OR52K1: variants seen among roughly 807,000 people sequenced by gnomAD.
OR52K1 encodes olfactory receptor family 52 subfamily K member 1.
Under a neutral mutation model 8.7 loss-of-function variants are expected in OR52K1, and 10 were observed. The ratio of observed to expected loss-of-function variants is 1.15; its 90% CI spans 0.71 to 1.95. OR52K1 has a LOEUF of 1.95. Ranked by LOEUF, OR52K1 falls within the 30% of genes most tolerant of loss-of-function variation. The probability of loss-of-function intolerance (pLI) is 0.00; values close to 1 mark genes in which losing one functional copy is unlikely to be tolerated. For missense variants in OR52K1, 431 were observed against 397.2 expected, an observed-to-expected ratio of 1.08 and a Z score of -0.72; for synonymous variants, 203 against 148.5, an observed-to-expected ratio of 1.37 and a Z score of -2.67.
At chr11:4,484,151 T>A (rs1293871694) in intron 1 of OR52K1, among the ~76,000 whole-genome samples, 1 of 152,184 alleles carries the variant, frequency 6.6e-6, no homozygotes, top group African/African-American at 2.4e-5. Context: ...TGTTAGAGGC[T>A]GGGTTTACAG....
rs758111828 is a variant in OR52K1 at position 4,492,803 on chromosome 11, T to G, written c.*2958T>G. Reference sequence around the variant, plus strand: ...CCTTGTGTGCAGAGATGAGAGATCATAGAAATAAAGACAAAAGATAAAGAG... The same window carrying G: ...CCTTGTGTGCAGAGATGAGAGATCAGAGAAATAAAGACAAAAGATAAAGAG... On this transcript the variant is annotated 3_prime_UTR_variant, in exon 2 of 2. Transcript: ENST00000641528. The G allele has an allele frequency of 3.0e-5, 5 of 168,416 alleles. No individual in the cohort carries two copies. The highest frequency in any genetic ancestry group is 4.9e-5 in the Non-Finnish European group (4 of 80,852). 10.4% of individuals were successfully genotyped at this position (168,416 alleles called of 1,614,324 possible). A position where few individuals can be genotyped will look rare whatever the true frequency, so the allele number is the denominator to read the frequency against.
At position 4,493,303 on chromosome 11, in the gene OR52K1, G is replaced by C. The variant is rs1846395416; in HGVS notation, c.*3458G>C. On this transcript the variant is annotated 3_prime_UTR_variant, in exon 2 of 2. Transcript: ENST00000641528. Reference sequence around the variant, plus strand: ...CAGAGTCTTCTCTAACTCCCCCAGGGAAAGGGAGACTCCCTTTCTGGGTCT... The same window carrying C: ...CAGAGTCTTCTCTAACTCCCCCAGGCAAAGGGAGACTCCCTTTCTGGGTCT... The C allele has an allele frequency of 6.6e-6, 1 of 152,180 alleles. No homozygotes were observed. Among genetic ancestry groups the C allele is most frequent in the Admixed American group, 6.5e-5 (1 of 15,286 alleles). 9.4% of individuals were successfully genotyped at this position (152,180 alleles called of 1,614,324 possible). A position where few individuals can be genotyped will look rare whatever the true frequency, so the allele number is the denominator to read the frequency against.
chr11:4,485,255 C>T (rs1473262707), intron 1 of OR52K1, among the ~76,000 whole-genome samples: 2 of 152,138 alleles, frequency 1.3e-5, no homozygotes, highest in African/African-American at 4.8e-5. Flanking sequence ...AACTCTTCTC[C>T]CATCCATTCT....
In OR52K1 at chr11:4,483,165, T is replaced by A; in HGVS notation, c.-340T>A. ...GAAAACGAGGCCTGAACTAGAAAGA[T>A]GGCAGGGAAAGGTAAGAAATACCTT... On this transcript the variant is annotated 5_prime_UTR_variant, in exon 1 of 2. The change abolishes an upstream ATG in the 5' untranslated region. Transcript: ENST00000641528. 1 of 398,584 alleles carries A rather than the reference T, an allele frequency of 2.5e-6. No homozygotes were observed. The highest frequency in any genetic ancestry group is 4.4e-6 in the Non-Finnish European group (1 of 226,050). The allele number at this position is 398,584 out of a possible 1,614,324, so 24.7% of individuals were successfully genotyped here. A position where few individuals can be genotyped will look rare whatever the true frequency, so the allele number is the denominator to read the frequency against.
In OR52K1 at chr11:4,489,539, G is replaced by C; in HGVS notation, c.639G>C (p.Leu213=). 1 of 1,614,214 alleles carries C rather than the reference G, an allele frequency of 6.2e-7. No individual in the cohort carries two copies. Residue 213 remains leucine (L), a synonymous_variant, in exon 2 of 2, where the codon CTG becomes CTC. Transcript: ENST00000641528. ...CCATGTTTATTGTGGTGTTGGACCT[G>C]CTCTTTGTTATCCTGTCTTATGTCT... ...AVAMFIVVLD[L]LFVILSYVFI...
chr11:4,490,585 T>C lies in OR52K1; in HGVS notation c.*740T>C, dbSNP rs1040995174. 6.6e-6 allele frequency: 1 copy of C among 152,226 alleles called. No individual in the cohort carries two copies. Among genetic ancestry groups the C allele is most frequent in the Non-Finnish European group, 1.5e-5 (1 of 68,046 alleles). The allele number at this position is 152,226 out of a possible 1,614,324, so 9.4% of individuals were successfully genotyped here. ...GGATAGAAGAGCTGAATACTATCTTTGAACTATGAACCATGAAAAGAGAAA... is the reference window on the plus strand; with the variant it reads ...GGATAGAAGAGCTGAATACTATCTTCGAACTATGAACCATGAAAAGAGAAA... On this transcript the variant is annotated 3_prime_UTR_variant, in exon 2 of 2. Transcript: ENST00000641528.
At chr11:4,485,166 G>A (rs1309758133) in intron 1 of OR52K1, among the ~76,000 whole-genome samples, 1 of 152,160 alleles carries the variant, frequency 6.6e-6, no homozygotes, top group Non-Finnish European at 1.5e-5. Flanking sequence ...TATATACTAA[G>A]ATAGTACATT....
intron 1 of OR52K1, among the ~76,000 whole-genome samples, chr11:4,484,093 A>G (rs1846301693): frequency 1.3e-5 from 2 of 152,200 alleles, no homozygotes; most frequent in African/African-American, 4.8e-5. Context: ...ATGTCTTCCA[A>G]TAATCTAGTA....
rs57428088 is a variant in OR52K1, at chr11:4,484,833, G to GACACACACAC, written c.-329+1685_-329+1694dup. On this transcript the variant is annotated intron_variant, in intron 1 of 1. Transcript: ENST00000641528. ...TGATACTTCTGTTCTAAAACACACAGACACACACACACACACACACACACA... is the reference window on the plus strand; with the variant it reads ...TGATACTTCTGTTCTAAAACACACAGACACACACACACACACACACACACACACACACACA... Among the ~76,000 whole-genome samples, 200 of 113,674 alleles carry GACACACACAC rather than the reference G, an allele frequency of 1.8e-3. 2 individuals are homozygous for GACACACACAC. Among genetic ancestry groups the GACACACACAC allele is most frequent in the African/African-American group, 4.0e-3 (119 of 30,052 alleles). 74.6% of individuals were successfully genotyped at this position (113,674 alleles called of 152,430 possible).
At position 4,488,739 on chromosome 11, in the gene OR52K1, G is replaced by A. The variant is rs1446692974; in HGVS notation, c.-162G>A. 1 of 608,226 alleles carries A rather than the reference G, an allele frequency of 1.6e-6. No homozygotes were observed. The highest frequency in any genetic ancestry group is 2.9e-6 in the Non-Finnish European group (1 of 342,774). 37.7% of individuals were successfully genotyped at this position (608,226 alleles called of 1,614,324 possible). On this transcript the variant is annotated 5_prime_UTR_variant, in exon 2 of 2. It removes an upstream start codon present in the reference 5' UTR. Transcript: ENST00000641528. ...ATGGATTATACTTCTCCATGTCTAT[G>A]AAGGCTGCTAGGTTATTTTGTTTAA... is the stretch of plus-strand genomic sequence containing the variant.
Position 4,488,973 on chromosome 11 carries a change from C to A in OR52K1, c.73C>A (p.Leu25Met), listed in dbSNP as rs760418074. The change falls in exon 2 of 2, where the codon CTG (leucine) becomes ATG (methionine). Residue 25 changes from leucine (L) to methionine (M), a missense_variant. Physicochemically the swap from Leu to Met is conservative, Grantham distance 15. Coordinates refer to ENST00000641528, the MANE Select transcript of OR52K1 (RefSeq NM_001005171.3). ...GGTAGGAATTCCTGGTTTGGAACACCTGCATGCCTGGATCTCCATCCCCTT... is the reference window on the plus strand; with the variant it reads ...GGTAGGAATTCCTGGTTTGGAACACATGCATGCCTGGATCTCCATCCCCTT... ...LLVGIPGLEH[L>M]HAWISIPFCF... 3.7e-6 allele frequency: 6 copies of A among 1,614,054 alleles called. No individual in the cohort carries two copies. The highest frequency in any genetic ancestry group is 5.1e-6 in the Non-Finnish European group (6 of 1,180,032).
chr11:4,491,342 A>C lies in OR52K1; in HGVS notation c.*1497A>C, dbSNP rs985419926. On this transcript the variant is annotated 3_prime_UTR_variant, in exon 2 of 2. Coordinates refer to ENST00000641528, the MANE Select transcript of OR52K1 (RefSeq NM_001005171.3). ...ACTTATATACTGCTGGTAGGAGTGTAAATTATTTCACCCATTATGGAAAGC... is the reference window on the plus strand; with the variant it reads ...ACTTATATACTGCTGGTAGGAGTGTCAATTATTTCACCCATTATGGAAAGC... The C allele has an allele frequency of 3.9e-5, 6 of 152,250 alleles. No individual in the cohort carries two copies. The highest frequency in any genetic ancestry group is 7.3e-5 in the Non-Finnish European group (5 of 68,048). The allele number at this position is 152,250 out of a possible 1,614,324, so 9.4% of individuals were successfully genotyped here. A position where few individuals can be genotyped will look rare whatever the true frequency, so the allele number is the denominator to read the frequency against.
chr11:4,491,191 A>G lies in OR52K1; in HGVS notation c.*1346A>G, dbSNP rs1846371759. On this transcript the variant is annotated 3_prime_UTR_variant, in exon 2 of 2. Transcript: ENST00000641528. The stretch of plus-strand genomic sequence containing the variant: ...GGTAGGGTATTTCCTTCACTCCACG[A>G]ATTTTAAACTTTGCTGTATGACTTG... 6.6e-6 allele frequency: 1 copy of G among 152,208 alleles called. No homozygotes were observed. Among genetic ancestry groups the G allele is most frequent in the African/African-American group, 2.4e-5 (1 of 41,452 alleles). 9.4% of individuals were successfully genotyped at this position (152,208 alleles called of 1,614,324 possible). A position where few individuals can be genotyped will look rare whatever the true frequency, so the allele number is the denominator to read the frequency against.
chr11:4,483,209 C>T (rs890140969), intron 1 of OR52K1, 33 bp downstream of exon 1: 1 of 398,582 alleles, frequency 2.5e-6, no homozygotes, highest in East Asian at 3.6e-5. Flanking sequence ...GGTTCTTCTA[C>T]CAGAAGCAGT....
intron 1 of OR52K1, among the ~76,000 whole-genome samples, chr11:4,486,456 C>A (rs1263880975): frequency 1.3e-5 from 2 of 152,144 alleles, no homozygotes; most frequent in African/African-American, 4.8e-5. Flanking sequence ...CTGTATATAC[C>A]ACTGGCATGA....
chr11:4,488,796 G>T lies in OR52K1; in HGVS notation c.-105G>T. ...GCAATGGAAACAAGAGGTAATCTTT[G>T]CAGGTGGGATAGCACAGGTTGAACT... On this transcript the variant is annotated 5_prime_UTR_variant, in exon 2 of 2. Transcript: ENST00000641528. 1 of 772,068 alleles carries T rather than the reference G, an allele frequency of 1.3e-6. No individual in the cohort carries two copies. Among genetic ancestry groups the T allele is most frequent in the Non-Finnish European group, 2.2e-6 (1 of 460,666 alleles). 47.8% of individuals were successfully genotyped at this position (772,068 alleles called of 1,614,324 possible).
chr11:4,489,160 T>G lies in OR52K1; in HGVS notation c.260T>G (p.Phe87Cys). Residue 87 changes from phenylalanine to cysteine, a missense_variant, in exon 2 of 2, where the codon TTC (phenylalanine) becomes TGC (cysteine). Transcript: ENST00000641528. ...ACGCTGCCCAAAATGCTTGCCATAT[T>G]CTGGTTCAGGGATCAGGAGATCAAC... Reference protein sequence around the residue: ...STTLPKMLAIFWFRDQEINFF... With the variant: ...STTLPKMLAICWFRDQEINFF... The G allele has an allele frequency of 6.2e-7, 1 of 1,614,264 alleles. No individual in the cohort carries two copies. Among genetic ancestry groups the G allele is most frequent in the Non-Finnish European group, 8.5e-7 (1 of 1,180,050 alleles).
chr11:4,492,376 C>A lies in OR52K1; in HGVS notation c.*2531C>A, dbSNP rs1405834897. ...CACAGCCTAGACTCATGATGAAGAT[C>A]CATGGAGCAGATGTGAATCTGACTC... On this transcript the variant is annotated 3_prime_UTR_variant, in exon 2 of 2. Transcript: ENST00000641528. 3 of 152,174 alleles carry A rather than the reference C, an allele frequency of 2.0e-5. No individual in the cohort carries two copies. Among genetic ancestry groups the A allele is most frequent in the Non-Finnish European group, 2.9e-5 (2 of 68,034 alleles). The allele number at this position is 152,174 out of a possible 1,614,324, so 9.4% of individuals were successfully genotyped here.
In OR52K1 at chr11:4,489,889, A is replaced by T; in HGVS notation, c.*44A>T. 2.2e-6 allele frequency: 3 copies of T among 1,391,002 alleles called. No individual in the cohort carries two copies. Among genetic ancestry groups the T allele is most frequent in the Non-Finnish European group, 3.0e-6 (3 of 1,013,032 alleles). The allele number at this position is 1,391,002 out of a possible 1,614,324, so 86.2% of individuals were successfully genotyped here. On this transcript the variant is annotated 3_prime_UTR_variant, in exon 2 of 2. Coordinates refer to ENST00000641528, the MANE Select transcript of OR52K1 (RefSeq NM_001005171.3). Reference sequence around the variant, plus strand: ...TTATCCCACTTGCCAAGTAATGAGAATGCTGGATTGGGGTTGAGGGGAAAA... The same window carrying T: ...TTATCCCACTTGCCAAGTAATGAGATTGCTGGATTGGGGTTGAGGGGAAAA...
Sources: allele counts gnomAD v4.1 joint callset (sites outside exome capture counted in the v4.1 genomes callset), GRCh38; gene constraint gnomAD v4.1.1; transcripts MANE v1.5; gene names NCBI Gene and HGNC (gene_info 2026-07-23, HGNC 2026-07-21).